FER1L6: variants seen among roughly 807,000 people sequenced by gnomAD.
FER1L6 encodes the protein fer-1-like protein 6.
FER1L6 carries 177 observed loss-of-function variants against 219.2 expected under a neutral mutation model. The ratio of observed to expected loss-of-function variants is 0.81; its 90% CI spans 0.71 to 0.91. The LOEUF (loss-of-function observed/expected upper bound fraction) is 0.91. Ranked by LOEUF, FER1L6 falls within the 40% of genes least tolerant of loss-of-function variation. The pLI is 0.00. For synonymous variants in FER1L6, 768 were observed against 824.3 expected, an observed-to-expected ratio of 0.93 and a Z score of 1.17; for missense variants, 2,153 against 2,259.9, an observed-to-expected ratio of 0.95 and a Z score of 0.96.
intron 1 of FER1L6, among the ~76,000 whole-genome samples, chr8:123,940,244 G>A (rs1814180605): frequency 6.6e-6 from 1 of 152,158 alleles, no homozygotes. Context: ...GGAGGGTGGT[G>A]GTGGATTTGT....
intron 25 of FER1L6, among the ~76,000 whole-genome samples, chr8:124,063,210 T>C (rs531922760): frequency 4.3e-4 from 66 of 152,342 alleles, no homozygotes; most frequent in African/African-American, 1.5e-3. Context: ...ATCCTGTAGA[T>C]TGTAGATATT....
intron 16 of FER1L6, 47 bp downstream of exon 16, chr8:124,017,765 C>T: frequency 6.6e-7 from 1 of 1,504,888 alleles, no homozygotes; most frequent in Non-Finnish European, 9.2e-7. Context: ...TAAAAATAAA[C>T]CTCACGGATG....
chr8:124,092,664 T>C (rs1425301345), intron 34 of FER1L6, among the ~76,000 whole-genome samples: 1 of 152,116 alleles, frequency 6.6e-6, no homozygotes, highest in African/African-American at 2.4e-5. Flanking sequence ...TGAGACTGTG[T>C]AATTTATAAA....
intron 39 of FER1L6, among the ~76,000 whole-genome samples, chr8:124,104,113 C>T (rs1822660435): frequency 1.3e-5 from 2 of 152,184 alleles, no homozygotes; most frequent in Admixed American, 1.3e-4. Context: ...GGTCTGACCT[C>T]ATGGTGTCTA....
intron 33 of FER1L6, among the ~76,000 whole-genome samples, chr8:124,082,984 T>A: frequency 1.0e-5 from 1 of 100,124 alleles, no homozygotes; most frequent in Non-Finnish European, 2.1e-5. Context: ...TACATAAATG[T>A]GTATGTGTGT....
intron 1 of FER1L6, among the ~76,000 whole-genome samples, chr8:123,952,040 T>C (rs1352593934): frequency 6.6e-6 from 1 of 152,242 alleles, no homozygotes; most frequent in Non-Finnish European, 1.5e-5. Context: ...TGAGCAATTT[T>C]CTAATCCTGG....
chr8:124,020,258 C>T (rs1818402022), intron 16 of FER1L6, among the ~76,000 whole-genome samples: 1 of 152,166 alleles, frequency 6.6e-6, no homozygotes, highest in Admixed American at 6.5e-5. Context: ...TGTGAGTTCT[C>T]CATTAAACCT....
chr8:123,938,263 G>T (rs1563695356), intron 1 of FER1L6, among the ~76,000 whole-genome samples: 1 of 152,190 alleles, frequency 6.6e-6, no homozygotes, highest in Non-Finnish European at 1.5e-5. Context: ...ACATGGGAAT[G>T]CATATTCCCA....
intron 1 of FER1L6, among the ~76,000 whole-genome samples, chr8:123,859,628 A>G (rs34861870): frequency 0.02 from 2,772 of 139,048 alleles, 95 homozygotes; most frequent in African/African-American, 0.072. Context: ...GTATACATGT[A>G]CCATGCTGGT....
chr8:123,994,220 A>T (rs1056820794), intron 12 of FER1L6, among the ~76,000 whole-genome samples: 1 of 152,172 alleles, frequency 6.6e-6, no homozygotes, highest in African/African-American at 2.4e-5. Context: ...GTGGAACCAC[A>T]GAGCTTCCAA....
At chr8:124,052,812 CA>C (rs531960842) in intron 22 of FER1L6, among the ~76,000 whole-genome samples, 1 of 151,620 alleles carries the variant, frequency 6.6e-6, no homozygotes, top group African/African-American at 2.4e-5. Flanking sequence ...AACAAACAAA[CA>C]AAAAAAACAG....
intron 34 of FER1L6, among the ~76,000 whole-genome samples, chr8:124,092,152 CAG>C (rs1563795246): frequency 6.6e-6 from 1 of 152,012 alleles, no homozygotes; most frequent in African/African-American, 2.4e-5. Context: ...TAAATAAACA[CAG>C]AGTTTTGTGC....
intron 14 of FER1L6, 98 bp from the exon 15 acceptor site, chr8:124,013,333 A>C: frequency 4.4e-6 from 3 of 675,454 alleles, no homozygotes; most frequent in Non-Finnish European, 7.1e-6. Context: ...CAAAACAAAA[A>C]AAAAATAGCT....
At chr8:123,913,555 G>A (rs923791921) in intron 1 of FER1L6, among the ~76,000 whole-genome samples, 2 of 152,058 alleles carry the variant, frequency 1.3e-5, no homozygotes, top group Admixed American at 1.3e-4. Context: ...GATTTGGGCA[G>A]GTGTCCTCCC....
chr8:124,109,476 G>A (rs768879143), intron 39 of FER1L6, among the ~76,000 whole-genome samples: 3 of 152,116 alleles, frequency 2.0e-5, no homozygotes, highest in Non-Finnish European at 4.4e-5. Context: ...TCTGCAGTTC[G>A]ACTTTACAGG....
chr8:123,998,339 A>G (rs1314597594), intron 12 of FER1L6, among the ~76,000 whole-genome samples: 2 of 124,452 alleles, frequency 1.6e-5, no homozygotes. Flanking sequence ...AGGCAGAGAC[A>G]CTTGTTCTCT....
At chr8:123,885,625 C>A (rs1337164939) in intron 1 of FER1L6, among the ~76,000 whole-genome samples, 1 of 152,174 alleles carries the variant, frequency 6.6e-6, no homozygotes, top group Non-Finnish European at 1.5e-5. Context: ...GGAAACTGAG[C>A]CACAGGAAGC....
chr8:124,002,153 C>T (rs561974031), intron 12 of FER1L6, among the ~76,000 whole-genome samples: 2 of 152,280 alleles, frequency 1.3e-5, no homozygotes, highest in East Asian at 3.9e-4. Flanking sequence ...AAGAAGGGGG[C>T]CTTATAATCT....
chr8:124,033,722 T>C (rs76060849), intron 18 of FER1L6, among the ~76,000 whole-genome samples: 2,680 of 152,364 alleles, frequency 0.018, 90 homozygotes, highest in African/African-American at 0.06. Context: ...TTTGTTCACA[T>C]GCTTTCCTCT....
Sources: allele counts gnomAD v4.1 joint callset (sites outside exome capture counted in the v4.1 genomes callset), GRCh38; gene constraint gnomAD v4.1.1; transcripts MANE v1.5; gene names NCBI Gene and HGNC (gene_info 2026-07-23, HGNC 2026-07-21).